Variants in ABHD6 observed in about 807,000 individuals in gnomAD.
ABHD6 encodes the protein monoacylglycerol lipase ABHD6.
ABHD6 carries 33 observed loss-of-function variants against 38.8 expected under a neutral mutation model. The observed-to-expected ratio is 0.85, with a 90% CI of 0.64 to 1.14. ABHD6 has a LOEUF of 1.14. Ranked by LOEUF, ABHD6 falls within the 50% of genes most tolerant of loss-of-function variation. The pLI is 0.00. For missense variants in ABHD6, 380 were observed against 422.6 expected (o/e 0.90, Z 0.88); for synonymous variants, 147 against 161.6 (o/e 0.91, Z 0.69).
chr3:58,289,892 G>T lies in ABHD6; in HGVS notation c.838-3697G>T, dbSNP rs542495444. 6.6e-4 allele frequency among the ~76,000 whole-genome samples: 97 copies of T among 146,932 alleles called. 3 individuals carry two copies. The highest frequency in any genetic ancestry group is 2.5e-3 in the African/African-American group (94 of 38,030). On this transcript the variant is annotated intron_variant, in intron 9 of 9. Coordinates refer to ENST00000478253, the MANE Select transcript of ABHD6 (RefSeq NM_001320126.2). ...GACCCCCCCACCTCCCTCCCGGACG[G>T]GGTGGCTGGCCGGGCAGAGGGGCTC...
chr3:58,270,503 CAAAAAA>C (rs768619665), intron 5 of ABHD6, among the ~76,000 whole-genome samples: 9 of 60,648 alleles, frequency 1.5e-4, no homozygotes, highest in South Asian at 5.6e-4. Context: ...CTCATCTCTA[CAAAAAA>C]AAAAAAAAAA....
At chr3:58,254,131 T>C (rs1440151070) in intron 2 of ABHD6, among the ~76,000 whole-genome samples, 2 of 152,198 alleles carry the variant, frequency 1.3e-5, no homozygotes, top group Non-Finnish European at 2.9e-5. Flanking sequence ...GGTAGTAGAT[T>C]GGAGTTAGAA....
At chr3:58,280,919 C>T (rs528314435) in intron 7 of ABHD6, among the ~76,000 whole-genome samples, 4 of 152,310 alleles carry the variant, frequency 2.6e-5, no homozygotes, top group East Asian at 1.9e-4. Context: ...GTATCACCAG[C>T]GGAGTCTGCA....
At position 58,256,897 on chromosome 3, in the gene ABHD6, G is replaced by GGTTTGTTT. The variant is rs373526815; in HGVS notation, c.119+205_119+212dup. ...GAATATTACCAGATCAGTTCTTTCA[G>GGTTTGTTT]GTTTGTTTGTTTGTTTGTTTTTTGG... On this transcript the variant is annotated intron_variant, in intron 3 of 9. Coordinates refer to ENST00000478253, the MANE Select transcript of ABHD6 (RefSeq NM_001320126.2). This position sits in a 1 kb window ranked among gnomAD's most constrained non-coding sequence, Gnocchi z 4.3. 6.6e-6 allele frequency among the ~76,000 whole-genome samples: 1 copy of GGTTTGTTT among 151,914 alleles called. No homozygotes were observed. The highest frequency in any genetic ancestry group is 2.4e-5 in the African/African-American group (1 of 41,324).
rs1402198020 is a variant in ABHD6, at chr3:58,264,432, CACACACACACACATAT to C, written c.120-2756_120-2741del. Among the ~76,000 whole-genome samples, 272 of 123,738 alleles carry C rather than the reference CACACACACACACATAT, an allele frequency of 2.2e-3. 5 individuals carry two copies. Among genetic ancestry groups the C allele is most frequent in the African/African-American group, 8.6e-3 (240 of 28,014 alleles). 81.2% of individuals were successfully genotyped at this position (123,738 alleles called of 152,430 possible). A position where few individuals can be genotyped will look rare whatever the true frequency, so the allele number is the denominator to read the frequency against. ...ACACACACACACACACACACACACA[CACACACACACACATAT>C]GCCAGGTGCAGTGGCTCAGTGGCAG... On this transcript the variant is annotated intron_variant, in intron 3 of 9. Coordinates refer to ENST00000478253, the MANE Select transcript of ABHD6 (RefSeq NM_001320126.2).
intron 7 of ABHD6, among the ~76,000 whole-genome samples, chr3:58,280,802 T>C (rs779172609): frequency 6.6e-6 from 1 of 151,182 alleles, no homozygotes; most frequent in Non-Finnish European, 1.5e-5. Context: ...TTGTTAATGT[T>C]GATGCTATTC....
Position 58,273,164 on chromosome 3 carries a change from T to A in ABHD6, c.524-1494T>A, listed in dbSNP as rs2097446254. 6.6e-6 allele frequency among the ~76,000 whole-genome samples: 1 copy of A among 152,160 alleles called. No homozygotes were observed. Among genetic ancestry groups the A allele is most frequent in the Admixed American group, 6.5e-5 (1 of 15,268 alleles). ...GTGAAAGCCATACATCATACCCATG[T>A]TAGATTTAAAGGGTTTGCTGGACAT... On this transcript the variant is annotated intron_variant, in intron 6 of 9. Transcript: ENST00000478253. The surrounding 1 kb of genome is among the most constrained non-coding windows in gnomAD (Gnocchi z 4.8).
In ABHD6 at chr3:58,284,956, C is replaced by CCAGG. The variant is rs200572554; in HGVS notation, c.682-127_682-124dup. The CCAGG allele has an allele frequency of 3.1e-3, 2,444 of 785,208 alleles. 45 individuals are homozygous for CCAGG. The African/African-American group carries it at 0.036, about 12-fold the overall frequency. 48.6% of individuals were successfully genotyped at this position (785,208 alleles called of 1,614,324 possible). A position where few individuals can be genotyped will look rare whatever the true frequency, so the allele number is the denominator to read the frequency against. On this transcript the variant is annotated intron_variant, in intron 7 of 9. Transcript: ENST00000478253. ...TGCTGCATCATGGGAATTCAGAGGACCAGGCTCTAAAGACCTTGACAGTGC... is the reference window on the plus strand; with the variant it reads ...TGCTGCATCATGGGAATTCAGAGGACCAGGCAGGCTCTAAAGACCTTGACAGTGC...
rs8723 is a variant in ABHD6, at chr3:58,294,584, A to G, written c.*819A>G. Reference sequence around the variant, plus strand: ...ACTCGTGGGCCTCTTTTCTATTTCAATGTGCTACTAAGAACCCTTGGATGT... The same window carrying G: ...ACTCGTGGGCCTCTTTTCTATTTCAGTGTGCTACTAAGAACCCTTGGATGT... On this transcript the variant is annotated 3_prime_UTR_variant, in exon 10 of 10. Transcript: ENST00000478253. 39,884 of 152,580 alleles carry G rather than the reference A, an allele frequency of 0.26. 6,369 individuals carry two copies. Among genetic ancestry groups the G allele is most frequent in the East Asian group, 0.78 (4,059 of 5,182 alleles). The allele number at this position is 152,580 out of a possible 1,614,324, so 9.5% of individuals were successfully genotyped here. A position where few individuals can be genotyped will look rare whatever the true frequency, so the allele number is the denominator to read the frequency against.
chr3:58,242,878 T>C (rs1186202632), intron 1 of ABHD6, among the ~76,000 whole-genome samples: 2 of 151,782 alleles, frequency 1.3e-5, no homozygotes, highest in Non-Finnish European at 2.9e-5. Context: ...CCCATCCCCC[T>C]GCCCCACGAC....
chr3:58,284,332 A>G (rs1158799614), intron 7 of ABHD6, among the ~76,000 whole-genome samples: 2 of 151,986 alleles, frequency 1.3e-5, no homozygotes, highest in African/African-American at 4.8e-5. Flanking sequence ...TCTTTTCAAT[A>G]GTTTATTTCT....
chr3:58,270,890 T>C (rs756410129), intron 5 of ABHD6, 42 bp from the exon 6 acceptor site: 1 of 1,567,460 alleles, frequency 6.4e-7, no homozygotes, highest in Non-Finnish European at 8.6e-7. Context: ...TGCCATTGTC[T>C]ACAGCTGTAT....
intron 2 of ABHD6, among the ~76,000 whole-genome samples, chr3:58,254,800 A>G (rs1029341325): frequency 6.7e-6 from 1 of 149,870 alleles, no homozygotes; most frequent in Non-Finnish European, 1.5e-5. Flanking sequence ...TTATATATTT[A>G]TATTTATATA....
intron 7 of ABHD6, among the ~76,000 whole-genome samples, chr3:58,277,466 C>T (rs1448608297): frequency 2.0e-5 from 3 of 152,134 alleles, no homozygotes; most frequent in Admixed American, 1.3e-4. Context: ...GATTTTGTAT[C>T]CTGAGACTTT....
intron 1 of ABHD6, among the ~76,000 whole-genome samples, chr3:58,239,542 T>A (rs1382095948): frequency 1.3e-5 from 2 of 152,236 alleles, no homozygotes; most frequent in African/African-American, 4.8e-5. Flanking sequence ...TTATTTTGCC[T>A]TTTCGACACA....
rs145605175 is a variant in ABHD6, at chr3:58,263,123, G to T, written c.120-4066G>T. 1.1e-4 allele frequency among the ~76,000 whole-genome samples: 16 copies of T among 152,182 alleles called. No homozygotes were observed. The East Asian group carries it at 2.7e-3, about 26-fold the overall frequency. Reference sequence around the variant, plus strand: ...CTTGGGAGGCTGAAGTGGGAGAATCGTTTGAAAGCAGAAGGTGGAGGTTGC... The same window carrying T: ...CTTGGGAGGCTGAAGTGGGAGAATCTTTTGAAAGCAGAAGGTGGAGGTTGC... On this transcript the variant is annotated intron_variant, in intron 3 of 9. Transcript: ENST00000478253. This position sits in a 1 kb window ranked among gnomAD's most constrained non-coding sequence, Gnocchi z 4.9.
intron 9 of ABHD6, among the ~76,000 whole-genome samples, chr3:58,288,257 A>T (rs2097458878): frequency 6.6e-6 from 1 of 152,158 alleles, no homozygotes; most frequent in South Asian, 2.1e-4. Flanking sequence ...ACCAGGCCAA[A>T]TTCAGCTTCC....
At chr3:58,291,144 A>G (rs1192509270) in intron 9 of ABHD6, among the ~76,000 whole-genome samples, 2 of 151,418 alleles carry the variant, frequency 1.3e-5, no homozygotes, top group Admixed American at 1.3e-4. Flanking sequence ...CCGGAGGCCG[A>G]GGCTGGCGGA....
intron 6 of ABHD6, among the ~76,000 whole-genome samples, chr3:58,271,624 G>A (rs2097444922): frequency 6.6e-6 from 1 of 151,944 alleles, no homozygotes. Flanking sequence ...ATGTCAACGT[G>A]AAGTGTAACA....
Sources: gnomAD v4.1 joint callset for allele counts (sites outside exome capture counted in the v4.1 genomes callset) on GRCh38, gnomAD v4.1.1 for gene constraint, Gnocchi (gnomAD v3.1) non-coding constraint, MANE v1.5 for transcripts, NCBI Gene and HGNC (gene_info 2026-07-23, HGNC 2026-07-21) for gene names.